The following GSR variants were observed in gnomAD, a reference collection of about 807,000 sequenced individuals.
The protein encoded by GSR is glutathione reductase, mitochondrial.
In GSR, 48 loss-of-function variants were observed where a neutral mutation model predicts 56.5. The ratio of observed to expected loss-of-function variants is 0.85; its 90% CI spans 0.67 to 1.08. GSR has a LOEUF of 1.08. Ranked by LOEUF, GSR falls within the 50% of genes least tolerant of loss-of-function variation. The pLI is 0.00. For missense variants in GSR, 694 were observed against 703.3 expected (o/e 0.99, Z 0.15); for synonymous variants, 264 against 270.8 (o/e 0.97, Z 0.25).
chr8:30,716,267 G>A (rs1351621189), intron 1 of GSR, among the ~76,000 whole-genome samples: 3 of 152,210 alleles, frequency 2.0e-5, no homozygotes, highest in African/African-American at 7.2e-5. Context: ...AGAGCACTGG[G>A]CCAGAAACCA....
At position 30,682,059 on chromosome 8, in the gene GSR, C is replaced by A. The variant is rs756106824; in HGVS notation, c.1156G>T (p.Ala386Ser). The change falls in exon 11 of 13, where the codon GCA becomes TCA. Residue 386 changes from alanine (A) to serine (S), a missense_variant and splice_region_variant. Physicochemically the swap from Ala to Ser is moderately conservative, Grantham distance 99. Coordinates refer to ENST00000221130, the MANE Select transcript of GSR (RefSeq NM_000637.5). ...GCAAGTTTTCGGCCAGCAGCTATTGCAACTATGGAGATATTTTAAAATCAG... is the reference window on the plus strand; with the variant it reads ...GCAAGTTTTCGGCCAGCAGCTATTGAAACTATGGAGATATTTTAAAATCAG... The part of the protein sequence containing the change: ...VCGKALLTPV[A>S]IAAGRKLAHR... 1 of 1,611,894 alleles carries A rather than the reference C, an allele frequency of 6.2e-7. No individual in the cohort carries two copies. Among genetic ancestry groups the A allele is most frequent in the South Asian group, 1.1e-5 (1 of 91,028 alleles).
At chr8:30,698,717 A>G (rs966465199) in intron 6 of GSR, among the ~76,000 whole-genome samples, 2 of 152,186 alleles carry the variant, frequency 1.3e-5, no homozygotes, top group African/African-American at 4.8e-5. Context: ...TCTCCCTAAA[A>G]GCCCTTCTAA....
At chr8:30,679,865 C>T (rs1216346121) in intron 12 of GSR, among the ~76,000 whole-genome samples, 196 bp from the exon 13 acceptor site, 2 of 151,954 alleles carry the variant, frequency 1.3e-5, no homozygotes, top group Admixed American at 1.3e-4. Context: ...ACCACCACGC[C>T]TGGCTAATTT....
chr8:30,681,937 G>A lies in GSR; in HGVS notation c.1278C>T (p.Leu426=). 1 of 1,613,762 alleles carries A rather than the reference G, an allele frequency of 6.2e-7. No homozygotes were observed. Among genetic ancestry groups the A allele is most frequent in the Non-Finnish European group, 8.5e-7 (1 of 1,179,664 alleles). Residue 426 remains leucine, a synonymous_variant, in exon 11 of 13, where the codon CTC becomes CTT. Transcript: ENST00000221130. ...CAGTTTTTAAATACCTACCTTCCGT[G>A]AGTCCCACTGTCCCAATAGGGGGGT... ...FSHPPIGTVG[L]TEDEAIHKYG... is the part of the protein sequence containing the mutation.
intron 10 of GSR, 132 bp from the exon 11 acceptor site, chr8:30,682,193 A>C (rs1016030157): frequency 2.5e-6 from 2 of 786,440 alleles, no homozygotes; most frequent in African/African-American, 3.4e-5. Context: ...TCATTACACT[A>C]TCTAGATAGT....
At chr8:30,686,645 T>C (rs1803170932) in intron 9 of GSR, among the ~76,000 whole-genome samples, 1 of 152,042 alleles carries the variant, frequency 6.6e-6, no homozygotes, top group Non-Finnish European at 1.5e-5. Context: ...CAGTGAGCCA[T>C]GATGGCACCA....
chr8:30,721,953 T>C (rs577409826), intron 1 of GSR, among the ~76,000 whole-genome samples: 105 of 151,360 alleles, frequency 6.9e-4, no homozygotes, highest in African/African-American at 2.5e-3. Flanking sequence ...GAGGCAGAGG[T>C]TACAGTGAGC....
chr8:30,720,539 A>G (rs939470803), intron 1 of GSR, among the ~76,000 whole-genome samples: 1 of 152,188 alleles, frequency 6.6e-6, no homozygotes, highest in Admixed American at 6.5e-5. Context: ...ATGACTAAAT[A>G]TAATGCTGTC....
Position 30,700,074 on chromosome 8 carries a change from G to T in GSR, c.695+7C>A. 6.2e-7 allele frequency: 1 copy of T among 1,607,424 alleles called. No individual in the cohort carries two copies. Among genetic ancestry groups the T allele is most frequent in the Non-Finnish European group, 8.5e-7 (1 of 1,174,000 alleles). On this transcript the variant is annotated splice_region_variant and intron_variant, in intron 6 of 12. Transcript: ENST00000221130. ...TGAGTCACTGAGGTCAGGTCAGGTT[G>T]GCTTACCCGGGCAATTCTTCCAGCT...
intron 9 of GSR, among the ~76,000 whole-genome samples, chr8:30,686,739 A>G (rs1406663455): frequency 6.6e-6 from 1 of 152,042 alleles, no homozygotes; most frequent in African/African-American, 2.4e-5. Context: ...AACTGGACCT[A>G]TCAGTGCTTA....
At chr8:30,709,663 C>CAA in intron 3 of GSR, 151 bp downstream of exon 3, 1 of 689,890 alleles carries the variant, frequency 1.4e-6, no homozygotes, top group Non-Finnish European at 2.6e-6. Context: ...TAATGGCACT[C>CAA]AATTGTATAC....
At chr8:30,682,676 A>C (rs1289368280) in intron 10 of GSR, among the ~76,000 whole-genome samples, 1 of 152,186 alleles carries the variant, frequency 6.6e-6, no homozygotes, top group Non-Finnish European at 1.5e-5. Context: ...TAATCTACTT[A>C]ATGAAGATAT....
intron 6 of GSR, among the ~76,000 whole-genome samples, chr8:30,698,499 T>C (rs1340159768): frequency 3.3e-5 from 5 of 152,182 alleles, no homozygotes; most frequent in Non-Finnish European, 7.4e-5. Context: ...TGCGACCTGA[T>C]AGCAAACCAA....
intron 9 of GSR, among the ~76,000 whole-genome samples, chr8:30,687,130 C>A (rs564329498): frequency 3.3e-5 from 5 of 152,072 alleles, no homozygotes; most frequent in African/African-American, 9.6e-5. Flanking sequence ...AGCCACGGCG[C>A]CTGGCTGACT....
At position 30,678,385 on chromosome 8, in the gene GSR, G is replaced by T. The variant is rs1802819865; in HGVS notation, c.*1135C>A. The stretch of plus-strand genomic sequence containing the variant: ...TTTTTTTTTTTTTTTTTTGAGACAG[G>T]GTCTTGCTCTGTTGTCCAAGATTGA... On this transcript the variant is annotated 3_prime_UTR_variant, in exon 13 of 13. Coordinates refer to ENST00000221130, the MANE Select transcript of GSR (RefSeq NM_000637.5). 1 of 139,568 alleles carries T rather than the reference G, an allele frequency of 7.2e-6. No individual in the cohort carries two copies. Among genetic ancestry groups the T allele is most frequent in the Admixed American group, 7.6e-5 (1 of 13,216 alleles). 8.6% of individuals were successfully genotyped at this position (139,568 alleles called of 1,614,324 possible).
rs766660360 is a variant in GSR, at chr8:30,680,972, A to G, written c.1351T>C (p.Tyr451His). Reference sequence around the variant, plus strand: ...GTTTTCCTTTTGGTAACTGCGTGATACATCGGGGTAAAGCTCGTTGAATAG... The same window carrying G: ...GTTTTCCTTTTGGTAACTGCGTGATGCATCGGGGTAAAGCTCGTTGAATAG... The part of the protein sequence containing the change: ...KTYSTSFTPM[Y>H]HAVTKRKTKC... The change falls in exon 12 of 13, where the codon TAT (tyrosine) becomes CAT (histidine). Residue 451 changes from tyrosine to histidine, a missense_variant. Coordinates refer to ENST00000221130, the MANE Select transcript of GSR (RefSeq NM_000637.5). 8.7e-6 allele frequency: 14 copies of G among 1,611,336 alleles called. No individual in the cohort carries two copies. In the South Asian group the frequency reaches 9.9e-5, roughly 11 times the overall value.
rs780781226 is a variant in GSR at position 30,727,730 on chromosome 8, G to A, written c.106C>T (p.Leu36Phe). 2.8e-6 allele frequency: 4 copies of A among 1,405,632 alleles called. No individual in the cohort carries two copies. The highest frequency in any genetic ancestry group is 3.0e-5 in the Admixed American group (1 of 33,876). The allele number at this position is 1,405,632 out of a possible 1,614,324, so 87.1% of individuals were successfully genotyped here. Residue 36 changes from leucine (L) to phenylalanine (F), a missense_variant, in exon 1 of 13, where the codon CTC becomes TTC. Coordinates refer to ENST00000221130, the MANE Select transcript of GSR (RefSeq NM_000637.5). ...ATGGCACGGGAGAGGGCGCGCGTGA[G>A]GGCCGCGGGCTCGGGCAGAAGCAGC... Reference protein sequence around the residue: ...FLLLLPEPAALTRALSRAMAC... With the variant: ...FLLLLPEPAAFTRALSRAMAC...
At chr8:30,720,521 C>T (rs995538114) in intron 1 of GSR, among the ~76,000 whole-genome samples, 7 of 152,204 alleles carry the variant, frequency 4.6e-5, no homozygotes, top group African/African-American at 1.7e-4. Context: ...ATCAGCTTTA[C>T]ACCAACCATG....
intron 9 of GSR, among the ~76,000 whole-genome samples, chr8:30,685,482 G>A (rs759184441): frequency 6.6e-6 from 1 of 151,942 alleles, no homozygotes; most frequent in Non-Finnish European, 1.5e-5. Context: ...GTTTTTTTCA[G>A]ACTCCCAGAA....
Sources: allele counts gnomAD v4.1 joint callset (sites outside exome capture counted in the v4.1 genomes callset), GRCh38; gene constraint gnomAD v4.1.1; transcripts MANE v1.5; gene names NCBI Gene and HGNC (gene_info 2026-07-23, HGNC 2026-07-21).